Variants in DIAPH1 observed in about 807,000 individuals in gnomAD.
DIAPH1 encodes the protein protein diaphanous homolog 1.
In DIAPH1, 46 loss-of-function variants were observed where a neutral mutation model predicts 140.7. That is an observed-to-expected ratio of 0.33 (90% CI 0.26 to 0.42). DIAPH1 has a LOEUF of 0.42. DIAPH1 is among the 10% of genes least tolerant of loss of function. The probability of loss-of-function intolerance (pLI) is 1.00; values close to 1 mark genes in which losing one functional copy is unlikely to be tolerated. For synonymous variants in DIAPH1, 565 were observed against 551.6 expected (o/e 1.02, Z -0.34); for missense variants, 1,310 against 1,558.7 (o/e 0.84, Z 2.69).
At chr5:141,610,686 G>A (rs1051491499) in intron 1 of DIAPH1, among the ~76,000 whole-genome samples, 14 of 151,862 alleles carry the variant, frequency 9.2e-5, no homozygotes, top group East Asian at 1.9e-4. Context: ...TCCTGACCTC[G>A]TGATCTGCCC....
intron 18 of DIAPH1, among the ~76,000 whole-genome samples, chr5:141,554,547 TCTCAA>T (rs1360872562): frequency 1.3e-5 from 2 of 152,156 alleles, no homozygotes; most frequent in Admixed American, 6.5e-5. Context: ...AAGTATATTT[TCTCAA>T]CTCATGTTGT....
chr5:141,583,992 G>A, intron 4 of DIAPH1, 132 bp downstream of exon 4: 2 of 672,756 alleles, frequency 3.0e-6, no homozygotes, highest in Non-Finnish European at 5.4e-6. Context: ...AGTAAAAAGT[G>A]AACAGGCTTA....
In DIAPH1 at chr5:141,515,582, G is replaced by T. The variant is rs1353471787; in HGVS notation, c.*1269C>A. On this transcript the variant is annotated 3_prime_UTR_variant, in exon 28 of 28. Coordinates refer to ENST00000389054, the MANE Select transcript of DIAPH1 (RefSeq NM_005219.5). Reference sequence around the variant, plus strand: ...CACTTCTCTTTTAGAAGAGAGCTGGGGTACAGTGTATGAAGGCACTCCTGG... The same window carrying T: ...CACTTCTCTTTTAGAAGAGAGCTGGTGTACAGTGTATGAAGGCACTCCTGG... 6.6e-6 allele frequency: 1 copy of T among 152,222 alleles called. No individual in the cohort carries two copies. The highest frequency in any genetic ancestry group is 1.9e-4 in the East Asian group (1 of 5,204). The allele number at this position is 152,222 out of a possible 1,614,324, so 9.4% of individuals were successfully genotyped here.
chr5:141,581,529 T>A (rs1244660658), intron 7 of DIAPH1, among the ~76,000 whole-genome samples: 1 of 152,226 alleles, frequency 6.6e-6, no homozygotes, highest in African/African-American at 2.4e-5. Flanking sequence ...TTCTTGTTAA[T>A]TCTCTCCCCG....
chr5:141,578,347 T>C lies in DIAPH1; in HGVS notation c.1045-4A>G. The C allele has an allele frequency of 6.2e-7, 1 of 1,610,206 alleles. No individual in the cohort carries two copies. The highest frequency in any genetic ancestry group is 8.5e-7 in the Non-Finnish European group (1 of 1,176,430). Reference sequence around the variant, plus strand: ...CATTTTCAATCTCTCGAAGGTCCTGTCAACAACAAAAGTAGAAGTCAGGGA... The same window carrying C: ...CATTTTCAATCTCTCGAAGGTCCTGCCAACAACAAAAGTAGAAGTCAGGGA... On this transcript the variant is annotated splice_polypyrimidine_tract_variant and splice_region_variant and intron_variant, in intron 10 of 27. Transcript: ENST00000389054.
At chr5:141,600,847 C>T (rs1484197232) in intron 1 of DIAPH1, among the ~76,000 whole-genome samples, 1 of 152,146 alleles carries the variant, frequency 6.6e-6, no homozygotes, top group Non-Finnish European at 1.5e-5. Context: ...AATTCTTACA[C>T]AAAAATAACT....
chr5:141,531,770 G>A (rs1301632931), intron 19 of DIAPH1, among the ~76,000 whole-genome samples: 1 of 152,112 alleles, frequency 6.6e-6, no homozygotes, highest in Non-Finnish European at 1.5e-5. Flanking sequence ...TTACAGCCAT[G>A]AGCCACTGCA....
intron 26 of DIAPH1, chr5:141,524,515 C>A: frequency 2.2e-6 from 1 of 464,964 alleles, no homozygotes; most frequent in East Asian, 4.4e-5. Context: ...GGACTAGCAA[C>A]AAAATTATAC....
intron 18 of DIAPH1, among the ~76,000 whole-genome samples, chr5:141,561,096 G>C (rs1416130334): frequency 1.3e-5 from 2 of 151,926 alleles, no homozygotes; most frequent in Non-Finnish European, 1.5e-5. Context: ...AATGCAAGCA[G>C]AATAGGAAAA....
chr5:141,558,067 ATGTTCTTCACTAC>A (rs1443291102), intron 18 of DIAPH1, among the ~76,000 whole-genome samples: 1 of 152,274 alleles, frequency 6.6e-6, no homozygotes, highest in East Asian at 1.9e-4. Flanking sequence ...AGTCTGTTTT[ATGTTCTTCACTAC>A]TTTTGCATTT....
At chr5:141,601,276 G>T (rs1466878593) in intron 1 of DIAPH1, among the ~76,000 whole-genome samples, 1 of 129,918 alleles carries the variant, frequency 7.7e-6, no homozygotes, top group East Asian at 2.2e-4. Flanking sequence ...CTTAGACACA[G>T]AAAAAAAAAA....
chr5:141,618,873 G>A lies in DIAPH1; in HGVS notation c.42C>T (p.Thr14=). 6.6e-7 allele frequency: 1 copy of A among 1,523,580 alleles called. No homozygotes were observed. Among genetic ancestry groups the A allele is most frequent in the Non-Finnish European group, 8.8e-7 (1 of 1,135,436 alleles). The allele number at this position is 1,523,580 out of a possible 1,614,324, so 94.4% of individuals were successfully genotyped here. Residue 14 remains threonine, a synonymous_variant, in exon 1 of 28, where the codon ACC becomes ACT. Transcript: ENST00000389054. ...PGGSLGPGRG[T]RDKKKGRSPD... is the part of the protein sequence containing the mutation. The stretch of plus-strand genomic sequence containing the variant: ...GGCTCCGGCCCTTCTTCTTGTCCCG[G>A]GTCCCGCGGCCGGGCCCCAGGCTCC...
At chr5:141,585,924 TTA>T (rs1481909970) in intron 3 of DIAPH1, among the ~76,000 whole-genome samples, 1 of 152,250 alleles carries the variant, frequency 6.6e-6, no homozygotes, top group Non-Finnish European at 1.5e-5. Context: ...CTAGGATATT[TTA>T]TGTTATTCAA....
At chr5:141,618,204 T>C (rs1019571231) in intron 1 of DIAPH1, among the ~76,000 whole-genome samples, 2 of 152,100 alleles carry the variant, frequency 1.3e-5, no homozygotes, top group African/African-American at 2.4e-5. Flanking sequence ...ATTCCTGTAA[T>C]CGCAAGGACA....
At chr5:141,576,206 A>T in intron 14 of DIAPH1, 24 bp downstream of exon 14, 1 of 1,542,914 alleles carries the variant, frequency 6.5e-7, no homozygotes, top group Non-Finnish European at 9.0e-7. Context: ...ACTCAAACAC[A>T]TGTCTTTGGT....
intron 11 of DIAPH1, 173 bp downstream of exon 11, chr5:141,578,052 T>TA (rs1419281143): frequency 1.4e-6 from 1 of 697,438 alleles, no homozygotes; most frequent in Admixed American, 2.0e-5. Context: ...TGATCTATGA[T>TA]AAGCTAAGTA....
chr5:141,590,767 A>T lies in DIAPH1; in HGVS notation c.118-2517T>A, dbSNP rs141525984. On this transcript the variant is annotated intron_variant, in intron 1 of 27. Transcript: ENST00000389054. ...AAAAAAAAAAAAAGGGTGGGGGGTA[A>T]CCAGCAACCTGTTCTTTCTGCCTAC... Among the ~76,000 whole-genome samples the T allele has an allele frequency of 7.5e-3, 1,140 of 151,620 alleles. 18 individuals carry two copies. The highest frequency in any genetic ancestry group is 0.026 in the African/African-American group (1,083 of 41,408).
rs756003432 is a variant in DIAPH1, at chr5:141,526,377, C to T, written c.3358G>A (p.Glu1120Lys). Residue 1120 changes from glutamate (E) to lysine (K), a missense_variant, in exon 25 of 28, where the codon GAG becomes AAG. Glu to Lys is a moderately conservative substitution (Grantham distance 56, BLOSUM62 1). Around this residue, in one of 3 missense-constraint regions of DIAPH1, gnomAD observed 344 missense variants for 512.2 expected, o/e 0.67. Coordinates refer to ENST00000389054, the MANE Select transcript of DIAPH1 (RefSeq NM_005219.5). ...TTCTTGGGGTCAAAGAGGAAGTACTCGCCCAGCTCCTTATAGAGGGTCTCC... is the reference window on the plus strand; with the variant it reads ...TTCTTGGGGTCAAAGAGGAAGTACTTGCCCAGCTCCTTATAGAGGGTCTCC... ...NMETLYKELG[E>K]YFLFDPKKLS... The T allele has an allele frequency of 7.4e-6, 12 of 1,614,142 alleles. No homozygotes were observed. The East Asian group carries it at 1.1e-4, about 15-fold the overall frequency.
intron 13 of DIAPH1, 76 bp from the exon 14 acceptor site, chr5:141,576,370 G>A: frequency 8.8e-7 from 1 of 1,130,600 alleles, no homozygotes; most frequent in Non-Finnish European, 1.4e-6. Flanking sequence ...CCCTTCCAAA[G>A]AACAGTCTTT....
Sources: allele counts gnomAD v4.1 joint callset (sites outside exome capture counted in the v4.1 genomes callset), GRCh38; gene constraint gnomAD v4.1.1; regional missense constraint gnomAD v4.1.1; transcripts MANE v1.5; gene names NCBI Gene and HGNC (gene_info 2026-07-23, HGNC 2026-07-21).